The following CASD1 variants were observed in gnomAD, a reference collection of about 807,000 sequenced individuals.
CASD1 encodes the protein N-acetylneuraminate (7)9-O-acetyltransferase.
In CASD1, 41 loss-of-function variants were observed where a neutral mutation model predicts 100.0. That is an observed-to-expected ratio of 0.41 (90% confidence interval 0.32 to 0.53). The LOEUF (loss-of-function observed/expected upper bound fraction) is 0.53. Ranked by LOEUF, CASD1 falls within the 20% of genes least tolerant of loss-of-function variation. The probability of loss-of-function intolerance (pLI) is 0.25; values close to 1 mark genes in which losing one functional copy is unlikely to be tolerated. For synonymous variants in CASD1, 321 were observed against 315.6 expected (o/e 1.02, Z -0.18); for missense variants, 774 against 948.7 (o/e 0.82, Z 2.42).
Position 94,555,733 on chromosome 7 carries a change from C to A in CASD1, c.2369C>A (p.Ser790Tyr), listed in dbSNP as rs745798635. 6 of 1,612,700 alleles carry A rather than the reference C, an allele frequency of 3.7e-6. No homozygotes were observed. The highest frequency in any genetic ancestry group is 1.1e-5 in the South Asian group (1 of 91,028). Residue 790 changes from serine to tyrosine, a missense_variant, in exon 18 of 18, where the codon TCC becomes TAC. This residue lies in a region of CASD1 where 175 missense variants were observed against 206.9 expected (regional missense o/e 0.85). Coordinates refer to ENST00000297273, the MANE Select transcript of CASD1 (RefSeq NM_022900.5). The stretch of plus-strand genomic sequence containing the variant: ...TTTTGTGGACTCCTCATCTTATCAT[C>A]CATTCAAGATAAATCAAAACATTAG... ...AFFCGLLILS[S>Y]IQDKSKH
chr7:94,564,699 G>A, the CASD1 span, among the ~76,000 whole-genome samples: 13 of 152,194 alleles, frequency 8.5e-5, no homozygotes, highest in South Asian at 2.1e-4. Flanking sequence ...TAGTCTTTGC[G>A]TGCGCCCACT....
the CASD1 span, among the ~76,000 whole-genome samples, chr7:94,567,502 G>T: frequency 6.6e-6 from 1 of 151,954 alleles, no homozygotes; most frequent in Non-Finnish European, 1.5e-5. Flanking sequence ...CTTCATTTTT[G>T]GCAAGGTACT....
the CASD1 span, among the ~76,000 whole-genome samples, chr7:94,616,467 G>A: frequency 6.6e-6 from 1 of 151,896 alleles, no homozygotes. Context: ...TTTTTACAAG[G>A]GATATAATTC....
rs748163059 is a variant in CASD1, at chr7:94,547,152, A to G, written c.1690A>G (p.Ile564Val). The part of the protein sequence containing the change: ...LLKLGFLLLF[I>V]CFLAYSQGAF... ...GAAACTAGGCTTTTTGCTGTTATTCATATGTTTTTTGGCATATTCTCAGGT... is the reference window on the plus strand; with the variant it reads ...GAAACTAGGCTTTTTGCTGTTATTCGTATGTTTTTTGGCATATTCTCAGGT... Residue 564 changes from isoleucine (I) to valine (V), a missense_variant, in exon 13 of 18, where the codon ATA (isoleucine) becomes GTA (valine). By Grantham distance (29) the Ile-to-Val change is conservative. Around this residue, in one of 5 missense-constraint regions of CASD1, gnomAD observed 453 missense variants for 532.6 expected, o/e 0.85. Transcript: ENST00000297273. 4 of 1,590,864 alleles carry G rather than the reference A, an allele frequency of 2.5e-6. 1 individual carries two copies. Among genetic ancestry groups the G allele is most frequent in the South Asian group, 2.3e-5 (2 of 85,290 alleles).
At chr7:94,521,019 G>A (rs1358764840) in intron 3 of CASD1, among the ~76,000 whole-genome samples, 1 of 152,130 alleles carries the variant, frequency 6.6e-6, no homozygotes, top group East Asian at 1.9e-4. Flanking sequence ...TTGAACCCAG[G>A]AGGTGGAGGT....
downstream of CASD1, among the ~76,000 whole-genome samples, chr7:94,557,831 T>A (rs188971277): frequency 1.3e-5 from 2 of 152,044 alleles, no homozygotes; most frequent in Admixed American, 1.3e-4. Flanking sequence ...TCTTAATTAG[T>A]CTTAAAAGGT....
chr7:94,525,073 T>C (rs922615228), intron 3 of CASD1, among the ~76,000 whole-genome samples: 3 of 152,122 alleles, frequency 2.0e-5, no homozygotes, highest in Admixed American at 6.6e-5. Flanking sequence ...TGAAATGTTA[T>C]GACTTCTTTA....
At chr7:94,593,975 T>G in the CASD1 span, among the ~76,000 whole-genome samples, 1 of 152,026 alleles carries the variant, frequency 6.6e-6, no homozygotes, top group Non-Finnish European at 1.5e-5. Flanking sequence ...GACTCCAAAT[T>G]CCCATACTCA....
At chr7:94,547,834 T>A (rs1275220078) in intron 13 of CASD1, among the ~76,000 whole-genome samples, 1 of 151,920 alleles carries the variant, frequency 6.6e-6, no homozygotes, top group Admixed American at 6.6e-5. Flanking sequence ...TGTCATATTC[T>A]GCAGTGTACT....
rs530242457 is a variant in CASD1, at chr7:94,555,931, A to G, written c.*173A>G. On this transcript the variant is annotated 3_prime_UTR_variant, in exon 18 of 18. Coordinates refer to ENST00000297273, the MANE Select transcript of CASD1 (RefSeq NM_022900.5). ...GTGGTTGTATATATTGGAAATGTACATATCCAATATGAAATACTAAAACAA... is the reference window on the plus strand; with the variant it reads ...GTGGTTGTATATATTGGAAATGTACGTATCCAATATGAAATACTAAAACAA... 1.6e-6 allele frequency: 1 copy of G among 616,664 alleles called. No homozygotes were observed. 38.2% of individuals were successfully genotyped at this position (616,664 alleles called of 1,614,324 possible). A position where few individuals can be genotyped will look rare whatever the true frequency, so the allele number is the denominator to read the frequency against.
At chr7:94,611,118 C>T in the CASD1 span, among the ~76,000 whole-genome samples, 4 of 152,104 alleles carry the variant, frequency 2.6e-5, no homozygotes, top group African/African-American at 9.7e-5. Flanking sequence ...ACAGAGTTAC[C>T]ATATGACCCA....
the CASD1 span, among the ~76,000 whole-genome samples, chr7:94,562,897 C>CT: frequency 2.7e-4 from 41 of 151,240 alleles, no homozygotes; most frequent in East Asian, 4.8e-3. Flanking sequence ...AGCTGACCCC[C>CT]TTTTTTTTTA....
At chr7:94,587,904 TACTTA>T in the CASD1 span, 3 of 1,478,008 alleles carry the variant, frequency 2.0e-6, no homozygotes, top group East Asian at 8.1e-5. Flanking sequence ...TTAAGAGACT[TACTTA>T]ATAGTTTCCC....
At chr7:94,589,894 T>C in the CASD1 span, 1 of 153,282 alleles carries the variant, frequency 6.5e-6, no homozygotes, top group Non-Finnish European at 1.5e-5. Flanking sequence ...GCAATGCACT[T>C]GGACCACCCC....
the CASD1 span, chr7:94,598,412 C>T: frequency 4.0e-6 from 1 of 248,240 alleles, no homozygotes; most frequent in African/African-American, 2.3e-5. Flanking sequence ...TAGGTTTAAA[C>T]CAAATAATTC....
At chr7:94,603,433 C>T in the CASD1 span, 1 of 1,613,226 alleles carries the variant, frequency 6.2e-7, no homozygotes, top group South Asian at 1.1e-5. Context: ...GGGACATCTG[C>T]ACCAACCATG....
the CASD1 span, chr7:94,600,606 G>T: frequency 7.1e-7 from 1 of 1,416,776 alleles, no homozygotes; most frequent in Non-Finnish European, 1.0e-6. Flanking sequence ...TGTTATCTTA[G>T]CAGGATCTCT....
At chr7:94,581,055 CAT>C in the CASD1 span, among the ~76,000 whole-genome samples, 1 of 152,178 alleles carries the variant, frequency 6.6e-6, no homozygotes, top group African/African-American at 2.4e-5. Flanking sequence ...ACATTAGACA[CAT>C]AGACTCAAAG....
At chr7:94,512,323 C>A (rs971547423) in intron 1 of CASD1, among the ~76,000 whole-genome samples, 2 of 152,174 alleles carry the variant, frequency 1.3e-5, no homozygotes, top group African/African-American at 4.8e-5. Context: ...GCATTCAAAG[C>A]CATCCTGGGC....
Sources: gnomAD v4.1 joint callset for allele counts (sites outside exome capture counted in the v4.1 genomes callset) on GRCh38, gnomAD v4.1.1 for gene constraint, gnomAD v4.1.1 regional missense constraint, MANE v1.5 for transcripts, NCBI Gene and HGNC (gene_info 2026-07-23, HGNC 2026-07-21) for gene names.